The following GRIN3A variants were observed in gnomAD, a reference collection of about 807,000 sequenced individuals.
GRIN3A encodes glutamate receptor ionotropic, NMDA 3A.
A neutral mutation model predicts 92.4 loss-of-function variants in GRIN3A; 47 were observed. The observed-to-expected ratio is 0.51, with a 90% confidence interval of 0.40 to 0.65. GRIN3A has a LOEUF of 0.65. GRIN3A is among the 30% of genes least tolerant of loss of function. The pLI is 0.00. For missense variants in GRIN3A, 1,324 were observed against 1,393.1 expected (o/e 0.95, Z 0.79); for synonymous variants, 527 against 540.6 (o/e 0.97, Z 0.35).
intron 6 of GRIN3A, chr9:101,591,825 C>G (rs1056532840): frequency 3.3e-5 from 5 of 152,208 alleles, no homozygotes; most frequent in Non-Finnish European, 7.3e-5. Context: ...CCTTAGGTAA[C>G]TATCTTGAGT....
chr9:101,612,696 A>T (rs1312282590), intron 6 of GRIN3A, among the ~76,000 whole-genome samples: 1 of 152,112 alleles, frequency 6.6e-6, no homozygotes, highest in African/African-American at 2.4e-5. Context: ...TCCAGTCTCC[A>T]ATTTTAATCA....
chr9:101,613,404 C>T lies in GRIN3A; in HGVS notation c.2738G>A (p.Cys913Tyr). 1 of 1,614,214 alleles carries T rather than the reference C, an allele frequency of 6.2e-7. No individual in the cohort carries two copies. The highest frequency in any genetic ancestry group is 8.5e-7 in the Non-Finnish European group (1 of 1,180,040). ...CGTGACAGCAAAACTTCTCTTGCCA[C>T]AGGGAACCACCCTGTACCACTTGTC... ...LHDKWYRVVPCGKRSFAVTET... is the reference protein window; with the variant it reads ...LHDKWYRVVPYGKRSFAVTET... Residue 913 changes from cysteine (C) to tyrosine (Y), a missense_variant, in exon 6 of 9, where the codon TGT (cysteine) becomes TAT (tyrosine). By Grantham distance (194) the Cys-to-Tyr change is radical. Transcript: ENST00000361820.
chr9:101,637,696 T>C (rs1473035538), intron 3 of GRIN3A, among the ~76,000 whole-genome samples: 1 of 152,236 alleles, frequency 6.6e-6, no homozygotes, highest in East Asian at 1.9e-4. Context: ...AAATTTCACA[T>C]GAGAAACTGA....
chr9:101,655,170 G>T (rs1829068846), intron 3 of GRIN3A, among the ~76,000 whole-genome samples: 1 of 151,878 alleles, frequency 6.6e-6, no homozygotes, highest in South Asian at 2.1e-4. Flanking sequence ...TTCAGCTTAA[G>T]ATATCATAAA....
At chr9:101,638,391 T>G (rs1208046351) in intron 3 of GRIN3A, among the ~76,000 whole-genome samples, 2 of 152,250 alleles carry the variant, frequency 1.3e-5, no homozygotes, top group Non-Finnish European at 2.9e-5. Flanking sequence ...CTGGCCTCCA[T>G]GTCTTCTCAT....
At chr9:101,694,060 T>TATCC (rs1176591998) in intron 1 of GRIN3A, among the ~76,000 whole-genome samples, 1 of 152,158 alleles carries the variant, frequency 6.6e-6, no homozygotes, top group East Asian at 1.9e-4. Context: ...AAGGCAGGAT[T>TATCC]ATCCCTGCAT....
chr9:101,710,355 A>C (rs1829863443), intron 1 of GRIN3A, among the ~76,000 whole-genome samples: 1 of 152,216 alleles, frequency 6.6e-6, no homozygotes, highest in South Asian at 2.1e-4. Flanking sequence ...AATTAACATA[A>C]AAATTCACTT....
chr9:101,714,733 A>C (rs1429640492), intron 1 of GRIN3A, among the ~76,000 whole-genome samples: 1 of 151,834 alleles, frequency 6.6e-6, no homozygotes, highest in East Asian at 1.9e-4. Context: ...TTCTGGGATT[A>C]AAAAAAATGT....
chr9:101,581,147 A>G (rs1369569514), intron 6 of GRIN3A, among the ~76,000 whole-genome samples: 2 of 152,134 alleles, frequency 1.3e-5, no homozygotes, highest in African/African-American at 4.8e-5. Flanking sequence ...ACAAACATAT[A>G]CCTCCATGAT....
At chr9:101,704,050 T>C (rs1025803456) in intron 1 of GRIN3A, among the ~76,000 whole-genome samples, 18 of 152,358 alleles carry the variant, frequency 1.2e-4, no homozygotes, top group African/African-American at 4.3e-4. Flanking sequence ...AGCGTAATAA[T>C]GGCAAACAAC....
At chr9:101,631,614 G>A (rs1427622633) in intron 3 of GRIN3A, among the ~76,000 whole-genome samples, 1 of 152,142 alleles carries the variant, frequency 6.6e-6, no homozygotes, top group Non-Finnish European at 1.5e-5. Context: ...GAATTCTGCT[G>A]GAGGACTGTC....
chr9:101,592,685 A>T (rs561818460), intron 6 of GRIN3A: 1 of 152,064 alleles, frequency 6.6e-6, no homozygotes. Flanking sequence ...TAAGTAATCT[A>T]TTAAATACAA....
At chr9:101,629,075 C>G (rs554878452) in intron 3 of GRIN3A, among the ~76,000 whole-genome samples, 213 of 151,860 alleles carry the variant, frequency 1.4e-3, no homozygotes, top group African/African-American at 4.8e-3. Flanking sequence ...AAAGGTGTAA[C>G]AATAAGGTAA....
chr9:101,648,535 T>A (rs928162239), intron 3 of GRIN3A, among the ~76,000 whole-genome samples: 2 of 152,182 alleles, frequency 1.3e-5, no homozygotes, highest in Middle Eastern at 6.8e-3. Context: ...TTGTATGATC[T>A]GTTCATTGGT....
intron 6 of GRIN3A, among the ~76,000 whole-genome samples, chr9:101,589,387 T>C (rs769511413): frequency 7.9e-5 from 12 of 152,220 alleles, no homozygotes; most frequent in African/African-American, 1.2e-4. Context: ...AAATGACCCA[T>C]AAAAAGGGTG....
At chr9:101,615,213 C>A (rs10121465) in intron 5 of GRIN3A, among the ~76,000 whole-genome samples, 22,630 of 131,716 alleles carry the variant, frequency 0.17, 3,509 homozygotes, top group African/African-American at 0.44. Flanking sequence ...AAACCCAAAC[C>A]CTTTTTTTTT....
At chr9:101,594,298 A>G (rs1828076199) in intron 6 of GRIN3A, 1 of 1,393,706 alleles carries the variant, frequency 7.2e-7, no homozygotes, top group Non-Finnish European at 9.7e-7. Context: ...TGGCTTCACA[A>G]AAAGAAATAC....
At chr9:101,647,395 T>G (rs1048785968) in intron 3 of GRIN3A, among the ~76,000 whole-genome samples, 1 of 151,928 alleles carries the variant, frequency 6.6e-6, no homozygotes, top group Non-Finnish European at 1.5e-5. Context: ...TTTGGTTTGA[T>G]AGCACTTTGT....
intron 6 of GRIN3A, among the ~76,000 whole-genome samples, chr9:101,612,122 A>G (rs973293529): frequency 3.3e-5 from 5 of 152,208 alleles, no homozygotes; most frequent in African/African-American, 1.2e-4. Context: ...ATGGAAAACA[A>G]ATTTGAGGAG....
Sources: gnomAD v4.1 joint callset for allele counts (sites outside exome capture counted in the v4.1 genomes callset) on GRCh38, gnomAD v4.1.1 for gene constraint, MANE v1.5 for transcripts, NCBI Gene and HGNC (gene_info 2026-07-23, HGNC 2026-07-21) for gene names.